CCDC3: variants seen among roughly 807,000 people sequenced by gnomAD.
CCDC3 encodes coiled-coil domain containing 3, also known as coiled-coil domain-containing protein 3.
CCDC3 carries 24 observed loss-of-function variants against 21.4 expected under a neutral mutation model. The ratio of observed to expected loss-of-function variants is 1.12; its 90% CI spans 0.81 to 1.58. CCDC3 has a LOEUF of 1.58. Among genes scored for constraint, CCDC3 ranks in the 40% most tolerant of loss-of-function variants. CCDC3 has a pLI of 0.00. For missense variants in CCDC3, 425 were observed against 360.9 expected (o/e 1.18, Z -1.44); for synonymous variants, 186 against 166.0 (o/e 1.12, Z -0.93).
chr10:12,963,691 C>T (rs371060611), intron 2 of CCDC3, among the ~76,000 whole-genome samples: 8 of 151,782 alleles, frequency 5.3e-5, no homozygotes, highest in East Asian at 1.9e-4. Context: ...AGTGATCCTC[C>T]GCCTCAGCCT....
intron 2 of CCDC3, among the ~76,000 whole-genome samples, chr10:12,911,152 G>A (rs1398635785): frequency 1.3e-5 from 2 of 152,240 alleles, no homozygotes; most frequent in South Asian, 2.1e-4. Context: ...CTCTGCAGAT[G>A]TGTTCCCTTG....
At chr10:13,014,150 CA>C (rs1188238201) in intron 5 of CCDC3, among the ~76,000 whole-genome samples, 5 of 149,144 alleles carry the variant, frequency 3.4e-5, no homozygotes, top group Non-Finnish European at 7.4e-5. Flanking sequence ...GACTCCATCT[CA>C]AAAAAAAGAA....
chr10:13,071,917 G>A (rs917015739), intron 4 of CCDC3, among the ~76,000 whole-genome samples: 16 of 151,906 alleles, frequency 1.1e-4, no homozygotes, highest in African/African-American at 3.6e-4. Flanking sequence ...ACTATGAGAC[G>A]CTCCCTTCAG....
chr10:13,015,731 GGAACTGCCCATCCCGAT>G (rs1836049116), intron 5 of CCDC3, among the ~76,000 whole-genome samples: 1 of 152,016 alleles, frequency 6.6e-6, no homozygotes, highest in South Asian at 2.1e-4. Flanking sequence ...CTTCCCTCCA[GGAACTGCCCATCCCGAT>G]GAACCCCCAA....
chr10:12,953,420 C>T (rs1291820324), intron 2 of CCDC3, among the ~76,000 whole-genome samples: 2 of 152,134 alleles, frequency 1.3e-5, no homozygotes, highest in African/African-American at 4.8e-5. Context: ...CTTTATATCC[C>T]CAATACTACA....
At chr10:13,015,754 C>G (rs1186853271) in intron 5 of CCDC3, among the ~76,000 whole-genome samples, 1 of 151,964 alleles carries the variant, frequency 6.6e-6, no homozygotes, top group Non-Finnish European at 1.5e-5. Flanking sequence ...CCGATGAACC[C>G]CCAACTTGGG....
chr10:12,996,004 G>A (rs1169209633), intron 2 of CCDC3, among the ~76,000 whole-genome samples: 1 of 152,150 alleles, frequency 6.6e-6, no homozygotes, highest in African/African-American at 2.4e-5. Context: ...AATAATATCT[G>A]ATCTCTTGAC....
intron 2 of CCDC3, among the ~76,000 whole-genome samples, chr10:12,984,278 G>A (rs12263236): frequency 0.015 from 2,340 of 152,298 alleles, 64 homozygotes; most frequent in African/African-American, 0.053. Flanking sequence ...AGGACACTAT[G>A]CAAATGCCCA....
At chr10:12,931,208 CAAAAAAAAAAA>C (rs67541166) in intron 2 of CCDC3, among the ~76,000 whole-genome samples, 89 of 75,050 alleles carry the variant, frequency 1.2e-3, no homozygotes, top group African/African-American at 3.8e-3. Flanking sequence ...AAGACTCTGT[CAAAAAAAAAAA>C]AAAAAAAAAA....
chr10:13,078,907 T>C (rs1429605700), intron 3 of CCDC3, among the ~76,000 whole-genome samples: 2 of 152,092 alleles, frequency 1.3e-5, no homozygotes, highest in African/African-American at 4.8e-5. Flanking sequence ...AAATACCTAA[T>C]GTAAATGACG....
At chr10:12,916,287 CTGGG>C (rs1834354777) in intron 2 of CCDC3, among the ~76,000 whole-genome samples, 1 of 152,074 alleles carries the variant, frequency 6.6e-6, no homozygotes, top group South Asian at 2.1e-4. Context: ...CAAAAATTAG[CTGGG>C]CATGGTGGTG....
At chr10:12,976,977 C>A (rs889841744) in intron 2 of CCDC3, among the ~76,000 whole-genome samples, 1 of 152,150 alleles carries the variant, frequency 6.6e-6, no homozygotes, top group Non-Finnish European at 1.5e-5. Context: ...GTCCCCCACT[C>A]GAAAGTGTCT....
chr10:13,026,761 C>T (rs772971204), intron 5 of CCDC3, among the ~76,000 whole-genome samples: 1 of 152,168 alleles, frequency 6.6e-6, no homozygotes, highest in Admixed American at 6.6e-5. Context: ...TCAGTTTAAT[C>T]TCATAATAGT....
chr10:13,046,064 C>T (rs760587195), intron 5 of CCDC3, among the ~76,000 whole-genome samples: 3 of 152,022 alleles, frequency 2.0e-5, no homozygotes, highest in Non-Finnish European at 4.4e-5. Context: ...GGACTCCAGC[C>T]TGGGTGACAG....
At chr10:12,975,994 T>C (rs1240017768) in intron 2 of CCDC3, among the ~76,000 whole-genome samples, 2 of 152,008 alleles carry the variant, frequency 1.3e-5, no homozygotes, top group Non-Finnish European at 1.5e-5. Flanking sequence ...CCTGCAGAGG[T>C]GGGGTTTCTG....
chr10:12,932,514 C>G (rs1208638159), intron 2 of CCDC3, among the ~76,000 whole-genome samples: 1 of 152,190 alleles, frequency 6.6e-6, no homozygotes, highest in African/African-American at 2.4e-5. Flanking sequence ...TTGTCTGTTA[C>G]CTGTGTATGC....
At chr10:12,982,547 A>T (rs984155837) in intron 2 of CCDC3, among the ~76,000 whole-genome samples, 4 of 151,970 alleles carry the variant, frequency 2.6e-5, no homozygotes, top group African/African-American at 7.2e-5. Context: ...TAATCCCAAC[A>T]CTTTGGGAGG....
intron 2 of CCDC3, among the ~76,000 whole-genome samples, chr10:12,975,677 C>T (rs570740257): frequency 3.6e-4 from 55 of 152,274 alleles, no homozygotes; most frequent in African/African-American, 1.2e-3. Flanking sequence ...CTGTTGCCAG[C>T]ACCCTGTGTC....
Position 12,902,184 on chromosome 10 carries a change from A to C in CCDC3, c.550-3505T>G, listed in dbSNP as rs149864368. ...GCTGCCCTGGCCTTTTTAGGCCTAC[A>C]GTTAAGAAAAAGGAGCCAAGTGGAA... On this transcript the variant is annotated intron_variant, in intron 2 of 2. Coordinates refer to ENST00000378825, the MANE Select transcript of CCDC3 (RefSeq NM_031455.4). Among the ~76,000 whole-genome samples the C allele has an allele frequency of 9.1e-3, 1,384 of 152,306 alleles. 10 individuals carry two copies. Among genetic ancestry groups the C allele is most frequent in the African/African-American group, 0.023 (976 of 41,558 alleles).
Sources: gnomAD v4.1 joint callset for allele counts (sites outside exome capture counted in the v4.1 genomes callset) on GRCh38, gnomAD v4.1.1 for gene constraint, MANE v1.5 for transcripts, NCBI Gene and HGNC (gene_info 2026-07-23, HGNC 2026-07-21) for gene names.